LRRC8D: variants seen among roughly 807,000 people sequenced by gnomAD.
LRRC8D encodes the protein leucine rich repeat containing 8 VRAC subunit D.
A neutral mutation model predicts 55.8 loss-of-function variants in LRRC8D; 20 were observed. The ratio of observed to expected loss-of-function variants is 0.36; its 90% confidence interval spans 0.25 to 0.52. The LOEUF (loss-of-function observed/expected upper bound fraction) is 0.52. Ranked by LOEUF, LRRC8D falls within the 20% of genes least tolerant of loss-of-function variation. LRRC8D has a pLI of 0.93. For synonymous variants in LRRC8D, 352 were observed against 377.0 expected (o/e 0.93, Z 0.77); for missense variants, 651 against 1,030.8 (o/e 0.63, Z 5.05).
intron 2 of LRRC8D, among the ~76,000 whole-genome samples, chr1:89,864,051 C>T (rs1661785117): frequency 6.6e-6 from 1 of 152,190 alleles, no homozygotes; most frequent in African/African-American, 2.4e-5. Context: ...CTATGTTGAG[C>T]TCTTGCCCCA....
In LRRC8D at chr1:89,837,664, T is replaced by C. The variant is rs576220062; in HGVS notation, c.-147-5974T>C. ...TTGTCAGGAATCATTGAAGTGTTAA[T>C]ACATGTAAAGTGCTTGGCATTTATT... On this transcript the variant is annotated intron_variant, in intron 1 of 2. Coordinates refer to ENST00000337338, the MANE Select transcript of LRRC8D (RefSeq NM_001134479.2). Among the ~76,000 whole-genome samples the C allele has an allele frequency of 7.9e-4, 120 of 152,372 alleles. 1 individual carries two copies. Among genetic ancestry groups the C allele is most frequent in the African/African-American group, 2.6e-3 (107 of 41,594 alleles).
At chr1:89,862,729 G>A (rs1359993174) in intron 2 of LRRC8D, among the ~76,000 whole-genome samples, 7 of 152,188 alleles carry the variant, frequency 4.6e-5, no homozygotes, top group Admixed American at 4.6e-4. Context: ...GAGTTTTCCA[G>A]AGCACATGTT....
intron 2 of LRRC8D, among the ~76,000 whole-genome samples, chr1:89,885,799 T>G (rs1261465499): frequency 6.6e-6 from 1 of 152,188 alleles, no homozygotes; most frequent in Non-Finnish European, 1.5e-5. Context: ...TCTTACAAGA[T>G]CCTCAATTCC....
At chr1:89,846,145 T>C (rs1467531023) in intron 2 of LRRC8D, among the ~76,000 whole-genome samples, 1 of 152,144 alleles carries the variant, frequency 6.6e-6, no homozygotes, top group Non-Finnish European at 1.5e-5. Flanking sequence ...TTGGGGACTT[T>C]CTTTAGCATC....
intron 2 of LRRC8D, among the ~76,000 whole-genome samples, chr1:89,916,331 G>T (rs1199769979): frequency 2.6e-5 from 4 of 152,162 alleles, no homozygotes; most frequent in Non-Finnish European, 5.9e-5. Context: ...CTTAGAAACA[G>T]AATTAAATAA....
chr1:89,824,490 G>A (rs1299987648), intron 1 of LRRC8D, among the ~76,000 whole-genome samples: 2 of 152,164 alleles, frequency 1.3e-5, no homozygotes, highest in Non-Finnish European at 2.9e-5. Flanking sequence ...ACCCTTTCTA[G>A]GTAACTTTTG....
At chr1:89,849,889 A>G (rs1364752822) in intron 2 of LRRC8D, among the ~76,000 whole-genome samples, 3 of 152,144 alleles carry the variant, frequency 2.0e-5, no homozygotes, top group Non-Finnish European at 4.4e-5. Flanking sequence ...TTTAGTTTTA[A>G]TGTACTTGTC....
chr1:89,934,183 T>G lies in LRRC8D; in HGVS notation c.1115T>G (p.Ile372Ser). 1 of 1,614,116 alleles carries G rather than the reference T, an allele frequency of 6.2e-7. No homozygotes were observed. The highest frequency in any genetic ancestry group is 8.5e-7 in the Non-Finnish European group (1 of 1,179,982). Residue 372 changes from isoleucine to serine, a missense_variant, in exon 3 of 3, where the codon ATT becomes AGT. Transcript: ENST00000337338. This position sits in a 1 kb window ranked among gnomAD's most constrained non-coding sequence, Gnocchi z 5.9. ...LKKLLISYIS[I>S]ICVYGFICLY... ...AAGCTTCTCATCAGTTACATATCCA[T>G]TATTTGTGTTTATGGCTTTATCTGC...
intron 2 of LRRC8D, among the ~76,000 whole-genome samples, chr1:89,915,042 GTGTGGTGTGTGTGTA>G (rs1398814806): frequency 4.6e-5 from 7 of 151,588 alleles, no homozygotes; most frequent in African/African-American, 1.7e-4. Flanking sequence ...GTGTGTGTGT[GTGTGGTGTGTGTGTA>G]TGTGTGTGGT....
chr1:89,825,127 T>C (rs1660733271), intron 1 of LRRC8D, among the ~76,000 whole-genome samples: 1 of 152,216 alleles, frequency 6.6e-6, no homozygotes, highest in Non-Finnish European at 1.5e-5. Flanking sequence ...TTATGTCTTC[T>C]AATTATATCA....
intron 2 of LRRC8D, among the ~76,000 whole-genome samples, chr1:89,907,406 G>A (rs781457434): frequency 1.3e-5 from 2 of 151,942 alleles, no homozygotes; most frequent in African/African-American, 4.8e-5. Flanking sequence ...GGCCAGGCTG[G>A]TCTTGAACTC....
chr1:89,925,458 T>G (rs1570895337), intron 2 of LRRC8D, among the ~76,000 whole-genome samples: 1 of 152,208 alleles, frequency 6.6e-6, no homozygotes, highest in Non-Finnish European at 1.5e-5. Context: ...ATGGAAAAAT[T>G]GTCTTCCATG....
At chr1:89,914,270 C>T (rs1663203355) in intron 2 of LRRC8D, among the ~76,000 whole-genome samples, 1 of 152,146 alleles carries the variant, frequency 6.6e-6, no homozygotes, top group African/African-American at 2.4e-5. Context: ...GCCCACCAAG[C>T]CCACGCCCAC....
At chr1:89,856,099 A>G (rs1479527681) in intron 2 of LRRC8D, among the ~76,000 whole-genome samples, 2 of 152,092 alleles carry the variant, frequency 1.3e-5, no homozygotes, top group Non-Finnish European at 2.9e-5. Context: ...GATATATTTG[A>G]TGAGTGTGAA....
At chr1:89,828,351 T>C (rs1391704606) in intron 1 of LRRC8D, among the ~76,000 whole-genome samples, 1 of 152,242 alleles carries the variant, frequency 6.6e-6, no homozygotes, top group Non-Finnish European at 1.5e-5. Flanking sequence ...GGGTCCCTGA[T>C]GACAGTTTCA....
intron 1 of LRRC8D, among the ~76,000 whole-genome samples, chr1:89,832,711 A>T (rs114578816): frequency 1.3e-5 from 2 of 152,342 alleles, no homozygotes; most frequent in Non-Finnish European, 2.9e-5. Flanking sequence ...GGAAGATCCT[A>T]TCAGGAAGTG....
At chr1:89,922,472 T>C (rs1002051403) in intron 2 of LRRC8D, among the ~76,000 whole-genome samples, 1 of 152,274 alleles carries the variant, frequency 6.6e-6, no homozygotes, top group Non-Finnish European at 1.5e-5. Context: ...TGCTACATGC[T>C]AGTTCAAAAT....
intron 2 of LRRC8D, among the ~76,000 whole-genome samples, chr1:89,930,711 C>T (rs1490315262): frequency 1.3e-5 from 2 of 151,846 alleles, no homozygotes; most frequent in South Asian, 4.2e-4. Context: ...GCAAGGTGTA[C>T]TCTCTAGTCT....
chr1:89,852,958 T>TAG (rs1411309311), intron 2 of LRRC8D, among the ~76,000 whole-genome samples: 2 of 152,178 alleles, frequency 1.3e-5, no homozygotes, highest in Non-Finnish European at 2.9e-5. Context: ...AGTGTGAACT[T>TAG]TATCCTGACA....
Sources: allele counts gnomAD v4.1 joint callset (sites outside exome capture counted in the v4.1 genomes callset), GRCh38; gene constraint gnomAD v4.1.1; non-coding constraint Gnocchi (gnomAD v3.1); transcripts MANE v1.5; gene names NCBI Gene and HGNC (gene_info 2026-07-23, HGNC 2026-07-21).